Variants in SNCAIP observed in about 807,000 individuals in gnomAD.
SNCAIP encodes synuclein alpha interacting protein.
A neutral mutation model predicts 86.7 loss-of-function variants in SNCAIP; 43 were observed. The ratio of observed to expected loss-of-function variants is 0.50; its 90% confidence interval spans 0.39 to 0.64. SNCAIP has a LOEUF of 0.64. Among genes scored for constraint, SNCAIP ranks in the 30% least tolerant of loss-of-function variants. The probability of loss-of-function intolerance (pLI) is 0.00; values close to 1 mark genes in which losing one functional copy is unlikely to be tolerated. For synonymous variants in SNCAIP, 417 were observed against 427.2 expected, an observed-to-expected ratio of 0.98 and a Z score of 0.29; for missense variants, 981 against 1,103.1, an observed-to-expected ratio of 0.89 and a Z score of 1.57.
intron 1 of SNCAIP, among the ~76,000 whole-genome samples, chr5:122,329,452 C>A (rs1580813082): frequency 6.6e-6 from 1 of 152,258 alleles, no homozygotes; most frequent in South Asian, 2.1e-4. Flanking sequence ...AAATTGTTCT[C>A]AATTTATGGT....
intron 1 of SNCAIP, among the ~76,000 whole-genome samples, chr5:122,341,619 G>A (rs760435502): frequency 6.6e-5 from 10 of 152,176 alleles, no homozygotes; most frequent in Non-Finnish European, 1.2e-4. Flanking sequence ...AGAACCTCCA[G>A]TTTATTTTGC....
At chr5:122,391,035 G>A (rs986435986) in intron 1 of SNCAIP, 54 bp from the exon 2 acceptor site, 2 of 904,976 alleles carry the variant, frequency 2.2e-6, no homozygotes, top group South Asian at 1.3e-5. Context: ...ATTATTTTTG[G>A]TTGTAAAACG....
chr5:122,425,059 A>G (rs1014149650), intron 4 of SNCAIP, among the ~76,000 whole-genome samples: 1 of 152,228 alleles, frequency 6.6e-6, no homozygotes, highest in African/African-American at 2.4e-5. Context: ...AGGGAACCTG[A>G]CAATTACTGT....
At chr5:122,408,537 A>G (rs1773483919) in intron 3 of SNCAIP, among the ~76,000 whole-genome samples, 1 of 152,204 alleles carries the variant, frequency 6.6e-6, no homozygotes, top group Non-Finnish European at 1.5e-5. Context: ...CTTTAGCTAG[A>G]AGCTTTGATT....
chr5:122,457,843 T>C (rs1785149303), intron 10 of SNCAIP, among the ~76,000 whole-genome samples: 1 of 152,254 alleles, frequency 6.6e-6, no homozygotes, highest in African/African-American at 2.4e-5. Flanking sequence ...GGGGTTTCTA[T>C]TGACCATTGC....
chr5:122,336,728 G>A (rs1756538106), intron 1 of SNCAIP: 1 of 152,240 alleles, frequency 6.6e-6, no homozygotes, highest in African/African-American at 2.4e-5. Flanking sequence ...AGCCTCCCAA[G>A]CAACTAGGAC....
rs1389741104 is a variant in SNCAIP, at chr5:122,422,900, A to T, written c.163A>T (p.Thr55Ser). The T allele has an allele frequency of 6.2e-7, 1 of 1,613,890 alleles. No homozygotes were observed. Among genetic ancestry groups the T allele is most frequent in the East Asian group, 2.2e-5 (1 of 44,866 alleles). The change falls in exon 4 of 11, where the codon ACT (threonine) becomes TCT (serine). Residue 55 changes from threonine (T) to serine (S), a missense_variant. Physicochemically the swap from Thr to Ser is moderately conservative, Grantham distance 58 (BLOSUM62 1). Coordinates refer to ENST00000261368, the MANE Select transcript of SNCAIP (RefSeq NM_005460.4). ...SSSSWNCGIS[T>S]LITNTQKPTG... ...CTCTAGCTGGAATTGTGGCATCTCA[A>T]CTCTTATTACAAACACGCAAAAGCC...
chr5:122,458,533 G>A (rs1320939127), intron 10 of SNCAIP, among the ~76,000 whole-genome samples: 1 of 152,226 alleles, frequency 6.6e-6, no homozygotes, highest in Non-Finnish European at 1.5e-5. Context: ...AGAAGCAATA[G>A]GTTAGTTGAG....
At chr5:122,392,470 C>G (rs1026224897) in intron 2 of SNCAIP, among the ~76,000 whole-genome samples, 1 of 152,038 alleles carries the variant, frequency 6.6e-6, no homozygotes, top group African/African-American at 2.4e-5. Flanking sequence ...TGGAAGCATT[C>G]AAAGCAAGGT....
At chr5:122,340,426 T>C (rs1203159770) in intron 1 of SNCAIP, among the ~76,000 whole-genome samples, 1 of 152,160 alleles carries the variant, frequency 6.6e-6, no homozygotes, top group Non-Finnish European at 1.5e-5. Context: ...TAAGTGGTAG[T>C]TGGGAATGGG....
At chr5:122,413,232 TC>T in intron 3 of SNCAIP, among the ~76,000 whole-genome samples, 1 of 152,200 alleles carries the variant, frequency 6.6e-6, no homozygotes. Flanking sequence ...CCTGATGACA[TC>T]CCCCAGCTTC....
chr5:122,377,951 T>G (rs1046265338), intron 1 of SNCAIP, among the ~76,000 whole-genome samples: 6 of 152,078 alleles, frequency 3.9e-5, no homozygotes, highest in Admixed American at 3.9e-4. Context: ...GTTGGACATT[T>G]GGGTTGGTTC....
intron 3 of SNCAIP, among the ~76,000 whole-genome samples, chr5:122,422,352 T>C (rs1030804652): frequency 6.6e-6 from 1 of 152,206 alleles, no homozygotes; most frequent in East Asian, 1.9e-4. Context: ...GAGGTCATAG[T>C]TTGAATTTGC....
chr5:122,342,443 A>G (rs543474019), intron 1 of SNCAIP, among the ~76,000 whole-genome samples: 1 of 152,202 alleles, frequency 6.6e-6, no homozygotes, highest in South Asian at 2.1e-4. Flanking sequence ...ACATCACTGG[A>G]TGTGGATTTG....
intron 1 of SNCAIP, among the ~76,000 whole-genome samples, chr5:122,385,703 G>T (rs1767993259): frequency 6.6e-6 from 1 of 151,630 alleles, no homozygotes; most frequent in South Asian, 2.1e-4. Flanking sequence ...GTGTGTGTGT[G>T]TGTGTGTGTA....
intron 1 of SNCAIP, among the ~76,000 whole-genome samples, chr5:122,340,063 T>C (rs1034144119): frequency 2.6e-5 from 4 of 152,206 alleles, no homozygotes; most frequent in African/African-American, 9.6e-5. Context: ...CAATATGTTA[T>C]AGTCATCAGG....
intron 1 of SNCAIP, among the ~76,000 whole-genome samples, chr5:122,357,600 T>C (rs563440703): frequency 6.6e-6 from 1 of 150,594 alleles, no homozygotes; most frequent in African/African-American, 2.4e-5. Flanking sequence ...CTTCTCCCAT[T>C]CCTCCTGACA....
At chr5:122,417,655 T>C (rs1286329692) in intron 3 of SNCAIP, among the ~76,000 whole-genome samples, 3 of 151,984 alleles carry the variant, frequency 2.0e-5, no homozygotes, top group African/African-American at 7.2e-5. Flanking sequence ...CTTCCCTCCT[T>C]CCTCCTTCCT....
chr5:122,396,301 T>A (rs181702688), intron 2 of SNCAIP, among the ~76,000 whole-genome samples: 44 of 152,258 alleles, frequency 2.9e-4, no homozygotes, highest in African/African-American at 1.1e-3. Context: ...ATTCTATTGT[T>A]AGTGTTAGAC....
Sources: gnomAD v4.1 joint callset for allele counts (sites outside exome capture counted in the v4.1 genomes callset) on GRCh38, gnomAD v4.1.1 for gene constraint, MANE v1.5 for transcripts, NCBI Gene and HGNC (gene_info 2026-07-23, HGNC 2026-07-21) for gene names.